Variants in POU6F2 observed in about 807,000 individuals in gnomAD.
The protein encoded by POU6F2 is POU class 6 homeobox 2, also known as POU domain, class 6, transcription factor 2.
POU6F2 carries 31 observed loss-of-function variants against 71.3 expected under a neutral mutation model. That is an observed-to-expected ratio of 0.43 (90% CI 0.33 to 0.59). The LOEUF (loss-of-function observed/expected upper bound fraction) is 0.59. Ranked by LOEUF, POU6F2 falls within the 20% of genes least tolerant of loss-of-function variation. The pLI is 0.04. For missense variants in POU6F2, 783 were observed against 856.8 expected, an observed-to-expected ratio of 0.91 and a Z score of 1.07; for synonymous variants, 347 against 355.7, an observed-to-expected ratio of 0.98 and a Z score of 0.27.
At chr7:39,394,988 T>C (rs1378928292) in intron 5 of POU6F2, among the ~76,000 whole-genome samples, 1 of 152,296 alleles carries the variant, frequency 6.6e-6, no homozygotes. Flanking sequence ...AACCATACCG[T>C]GCTTCTGTGT....
chr7:39,458,085 T>G (rs1788847695), intron 8 of POU6F2, among the ~76,000 whole-genome samples: 1 of 143,914 alleles, frequency 6.9e-6, no homozygotes, highest in East Asian at 2.3e-4. Flanking sequence ...CTATGGCCCT[T>G]TGGGGGACCA....
intron 5 of POU6F2, among the ~76,000 whole-genome samples, chr7:39,380,594 T>C (rs1047229167): frequency 3.9e-5 from 6 of 152,208 alleles, no homozygotes; most frequent in Non-Finnish European, 8.8e-5. Flanking sequence ...AGTGTGAGAA[T>C]ACTATATTCT....
At chr7:39,407,360 G>T (rs1431056375) in intron 6 of POU6F2, among the ~76,000 whole-genome samples, 3 of 151,420 alleles carry the variant, frequency 2.0e-5, no homozygotes, top group African/African-American at 7.3e-5. Flanking sequence ...CAGTATGTCA[G>T]GGGTAGTAAA....
intron 1 of POU6F2, chr7:39,006,753 C>G: frequency 8.5e-7 from 1 of 1,182,116 alleles, no homozygotes. Flanking sequence ...GGGTTTTCTT[C>G]TAGGCATGAA....
Position 39,207,389 on chromosome 7 carries a change from C to T in POU6F2, c.370-3C>T. 6.2e-7 allele frequency: 1 copy of T among 1,613,228 alleles called. No homozygotes were observed. The highest frequency in any genetic ancestry group is 8.5e-7 in the Non-Finnish European group (1 of 1,179,330). On this transcript the variant is annotated splice_polypyrimidine_tract_variant and splice_region_variant and intron_variant, in intron 3 of 9. Coordinates refer to ENST00000518318, the MANE Select transcript of POU6F2 (RefSeq NM_001370959.1). ...TGAGCTAGCTGTATCTGTTTCCTTGCAGCCACTTCTGACGGCACAGCAGTT... is the reference window on the plus strand; with the variant it reads ...TGAGCTAGCTGTATCTGTTTCCTTGTAGCCACTTCTGACGGCACAGCAGTT...
At chr7:39,243,472 A>G (rs943281224) in intron 4 of POU6F2, among the ~76,000 whole-genome samples, 34 of 152,100 alleles carry the variant, frequency 2.2e-4, no homozygotes, top group African/African-American at 8.0e-4. Context: ...GGGAACAATT[A>G]TGCCCTGCCA....
intron 1 of POU6F2, among the ~76,000 whole-genome samples, chr7:39,056,660 C>CTGTGTGTG (rs1242427555): frequency 6.1e-5 from 6 of 98,936 alleles, no homozygotes; most frequent in Middle Eastern, 0.011. Context: ...CTCTCTCTCT[C>CTGTGTGTG]TCTGTGTGTG....
intron 5 of POU6F2, among the ~76,000 whole-genome samples, chr7:39,357,366 A>T (rs1389261543): frequency 6.6e-6 from 1 of 152,194 alleles, no homozygotes; most frequent in East Asian, 1.9e-4. Flanking sequence ...TTTTCTACGA[A>T]TGCCATGCAA....
chr7:38,989,821 G>T lies in POU6F2; in HGVS notation c.105+11763G>T, dbSNP rs950506294. On this transcript the variant is annotated intron_variant, in intron 1 of 9. Coordinates refer to ENST00000518318, the MANE Select transcript of POU6F2 (RefSeq NM_001370959.1). The stretch of plus-strand genomic sequence containing the variant: ...TGTGTTTGTGTGTGTGTGTGTGTGT[G>T]TGTGTTTGTGTGTGTGTGTGTGTGT... Among the ~76,000 whole-genome samples the T allele has an allele frequency of 1.5e-4, 18 of 116,812 alleles. No individual in the cohort carries two copies. In the South Asian group the frequency reaches 4.0e-3, roughly 26 times the overall value. The allele number at this position is 116,812 out of a possible 152,430, so 76.6% of individuals were successfully genotyped here.
chr7:39,454,089 G>A (rs1788727142), intron 8 of POU6F2, among the ~76,000 whole-genome samples: 1 of 152,142 alleles, frequency 6.6e-6, no homozygotes, highest in Admixed American at 6.5e-5. Context: ...TTGCTATGAT[G>A]GCTCACAGAA....
Position 39,451,643 on chromosome 7 carries a change from C to CTCTTCT in POU6F2, c.1434_1439dup (p.Ser486_Ser487dup). On this transcript the variant is annotated inframe_insertion, in exon 8 of 10. Transcript: ENST00000518318. Reference sequence around the variant, plus strand: ...CTCAAAGTCCCGTCCGGCAGGCTTCCTCTTCTTCCTCCTCATCCTCCTCTT... The same window carrying CTCTTCT: ...CTCAAAGTCCCGTCCGGCAGGCTTCCTCTTCTTCTTCTTCCTCCTCATCCTCCTCTT... 6.2e-7 allele frequency: 1 copy of CTCTTCT among 1,612,636 alleles called. No individual in the cohort carries two copies. Among genetic ancestry groups the CTCTTCT allele is most frequent in the Non-Finnish European group, 8.5e-7 (1 of 1,179,366 alleles).
chr7:39,007,004 C>G, intron 1 of POU6F2: 1 of 818,246 alleles, frequency 1.2e-6, no homozygotes, highest in South Asian at 1.6e-5. Flanking sequence ...CCCTTATGCT[C>G]TGATGTGCTG....
intron 2 of POU6F2, among the ~76,000 whole-genome samples, chr7:39,096,096 G>A (rs893048353): frequency 1.3e-5 from 2 of 152,058 alleles, no homozygotes; most frequent in Admixed American, 6.6e-5. Flanking sequence ...AAATAACCAC[G>A]ATGAGTAACT....
intron 4 of POU6F2, among the ~76,000 whole-genome samples, chr7:39,246,800 T>TA (rs1184363369): frequency 1.3e-5 from 2 of 152,026 alleles, no homozygotes; most frequent in South Asian, 2.1e-4. Flanking sequence ...AGTGTTTACT[T>TA]AGCCAATTAG....
chr7:39,207,924 T>C (rs1213701778), intron 4 of POU6F2, among the ~76,000 whole-genome samples: 1 of 152,222 alleles, frequency 6.6e-6, no homozygotes, highest in East Asian at 1.9e-4. Flanking sequence ...AAAATTCCTG[T>C]GTTGTTATTT....
intron 5 of POU6F2, among the ~76,000 whole-genome samples, chr7:39,400,367 A>C (rs752339832): frequency 7.2e-5 from 11 of 152,158 alleles, no homozygotes; most frequent in Admixed American, 3.3e-4. Flanking sequence ...GATCCCCTGG[A>C]ATCCCTCTTT....
At chr7:39,237,716 A>T (rs1227022130) in intron 4 of POU6F2, among the ~76,000 whole-genome samples, 5 of 152,124 alleles carry the variant, frequency 3.3e-5, no homozygotes, top group Non-Finnish European at 7.4e-5. Flanking sequence ...TATACCTGTA[A>T]ATACGACTCA....
chr7:39,140,410 CAG>C (rs1176929961), intron 2 of POU6F2, among the ~76,000 whole-genome samples: 1 of 152,164 alleles, frequency 6.6e-6, no homozygotes, highest in East Asian at 1.9e-4. Flanking sequence ...TTGAAAATAA[CAG>C]AAATTTATTC....
chr7:39,098,688 G>A (rs1241361964), intron 2 of POU6F2, among the ~76,000 whole-genome samples: 4 of 152,208 alleles, frequency 2.6e-5, no homozygotes, highest in Non-Finnish European at 5.9e-5. Flanking sequence ...ATAACATGTT[G>A]AAGCTTCAGC....
Sources: gnomAD v4.1 joint callset for allele counts (sites outside exome capture counted in the v4.1 genomes callset) on GRCh38, gnomAD v4.1.1 for gene constraint, MANE v1.5 for transcripts, NCBI Gene and HGNC (gene_info 2026-07-23, HGNC 2026-07-21) for gene names.